ZNF385D: variants seen among roughly 807,000 people sequenced by gnomAD.
ZNF385D encodes the protein zinc finger protein 385D.
In ZNF385D, 15 loss-of-function variants were observed where a neutral mutation model predicts 35.8. The ratio of observed to expected loss-of-function variants is 0.42; its 90% confidence interval spans 0.28 to 0.64. The LOEUF (loss-of-function observed/expected upper bound fraction) is 0.64. Among genes scored for constraint, ZNF385D ranks in the 30% least tolerant of loss-of-function variants. ZNF385D has a pLI of 0.23. For synonymous variants in ZNF385D, 212 were observed against 186.8 expected (o/e 1.13, Z -1.10); for missense variants, 474 against 494.6 (o/e 0.96, Z 0.39).
chr3:21,999,650 T>C (rs1053110073), intron 3 of ZNF385D, among the ~76,000 whole-genome samples: 1 of 152,230 alleles, frequency 6.6e-6, no homozygotes, highest in East Asian at 1.9e-4. Flanking sequence ...TCTTACACAT[T>C]AAATGAGATT....
intron 3 of ZNF385D, among the ~76,000 whole-genome samples, chr3:22,119,936 C>G (rs553984281): frequency 6.6e-6 from 1 of 151,902 alleles, no homozygotes; most frequent in Non-Finnish European, 1.5e-5. Context: ...CCTGCCTCAG[C>G]CTCCCAAGTA....
At position 21,624,083 on chromosome 3, in the gene ZNF385D, A is replaced by T. The variant is rs1443158423; in HGVS notation, c.165+40803T>A. On this transcript the variant is annotated intron_variant, in intron 2 of 7. Coordinates refer to ENST00000281523, the MANE Select transcript of ZNF385D (RefSeq NM_024697.3). ...CAGAAAAAGTGAAGAAAATGTTAAAATTATCCAATTCAGCTTCTTATTCCC... is the reference window on the plus strand; with the variant it reads ...CAGAAAAAGTGAAGAAAATGTTAAATTTATCCAATTCAGCTTCTTATTCCC... Among the ~76,000 whole-genome samples the T allele has an allele frequency of 3.3e-5, 5 of 152,150 alleles. No individual in the cohort carries two copies. In the East Asian group the frequency reaches 9.6e-4, roughly 29 times the overall value.
chr3:21,787,587 T>C (rs1194200486), intron 3 of ZNF385D, among the ~76,000 whole-genome samples: 1 of 152,062 alleles, frequency 6.6e-6, no homozygotes. Flanking sequence ...CACTGACATT[T>C]TGGAGGCTGT....
At chr3:21,948,412 A>G (rs1476386144) in intron 3 of ZNF385D, among the ~76,000 whole-genome samples, 1 of 152,128 alleles carries the variant, frequency 6.6e-6, no homozygotes, top group Non-Finnish European at 1.5e-5. Flanking sequence ...GTTTTTCCAC[A>G]GATACTGATT....
intron 3 of ZNF385D, among the ~76,000 whole-genome samples, chr3:21,808,427 A>G (rs2125701023): frequency 6.6e-6 from 1 of 152,292 alleles, no homozygotes; most frequent in African/African-American, 2.4e-5. Flanking sequence ...GAAAAGGAGA[A>G]CTGCTGACCA....
At position 21,955,860 on chromosome 3, in the gene ZNF385D, T is replaced by A. The variant is rs551300494; in HGVS notation, c.325+212957A>T. ...TTCTTTCATAATTCAAAGGAGGGAATATTTTTGTGGTTTTTCACAAGTAGG... is the reference window on the plus strand; with the variant it reads ...TTCTTTCATAATTCAAAGGAGGGAAAATTTTTGTGGTTTTTCACAAGTAGG... On this transcript the variant is annotated intron_variant, in intron 3 of 5. Coordinates refer to the ZNF385D transcript ENST00000494108. Among the ~76,000 whole-genome samples the A allele has an allele frequency of 2.0e-5, 3 of 152,128 alleles. No individual in the cohort carries two copies. In the East Asian group the frequency reaches 5.8e-4, roughly 29 times the overall value.
intron 3 of ZNF385D, among the ~76,000 whole-genome samples, chr3:21,971,345 A>G (rs1703244284): frequency 6.6e-6 from 1 of 152,082 alleles, no homozygotes; most frequent in Non-Finnish European, 1.5e-5. Context: ...CAGAATTTTT[A>G]TTAGTTTTCA....
At chr3:21,880,584 G>A (rs1307499341) in intron 3 of ZNF385D, among the ~76,000 whole-genome samples, 1 of 151,914 alleles carries the variant, frequency 6.6e-6, no homozygotes, top group Non-Finnish European at 1.5e-5. Context: ...CCTATCCCCT[G>A]AGACAAAATA....
chr3:21,718,284 C>T (rs2068403948), intron 1 of ZNF385D, among the ~76,000 whole-genome samples: 2 of 152,214 alleles, frequency 1.3e-5, no homozygotes, highest in Non-Finnish European at 2.9e-5. Context: ...AGACTCCACT[C>T]TGCAATTTGA....
At chr3:22,074,379 C>T (rs545802853) in intron 3 of ZNF385D, among the ~76,000 whole-genome samples, 2 of 151,934 alleles carry the variant, frequency 1.3e-5, no homozygotes, top group Non-Finnish European at 2.9e-5. Flanking sequence ...CAGCCCTTGG[C>T]AGAGAAGCCA....
At chr3:21,696,873 T>C (rs377438402) in intron 1 of ZNF385D, among the ~76,000 whole-genome samples, 1 of 152,248 alleles carries the variant, frequency 6.6e-6, no homozygotes, top group African/African-American at 2.4e-5. Flanking sequence ...CTCTGGCTGG[T>C]AATAAGGAAC....
rs553702544 is a variant in ZNF385D, at chr3:21,441,199, C to G, written c.440-3996G>C. ...TCTTTGCTATATTCTTGCACTTATA[C>G]TTGGCATGAAATGGGCACTCAATAA... On this transcript the variant is annotated intron_variant, in intron 4 of 7. Coordinates refer to ENST00000281523, the MANE Select transcript of ZNF385D (RefSeq NM_024697.3). Among the ~76,000 whole-genome samples, 8 of 152,172 alleles carry G rather than the reference C, an allele frequency of 5.3e-5. No homozygotes were observed. In the South Asian group the frequency reaches 1.7e-3, roughly 32 times the overall value.
At chr3:21,685,307 G>C (rs1179912003) in intron 1 of ZNF385D, among the ~76,000 whole-genome samples, 1 of 152,116 alleles carries the variant, frequency 6.6e-6, no homozygotes, top group African/African-American at 2.4e-5. Context: ...ACTTGCCTTG[G>C]TGACAAGAAT....
chr3:22,171,095 CAT>C (rs1411383522), intron 2 of ZNF385D, among the ~76,000 whole-genome samples: 1 of 147,896 alleles, frequency 6.8e-6, no homozygotes, highest in African/African-American at 2.5e-5. Flanking sequence ...AAAAATTGCA[CAT>C]GATGACCATT....
chr3:22,357,605 A>G, intron 2 of ZNF385D, among the ~76,000 whole-genome samples: 1 of 151,110 alleles, frequency 6.6e-6, no homozygotes, highest in East Asian at 1.9e-4. Context: ...CTAGTAACTT[A>G]AAGAAAAAAA....
intron 3 of ZNF385D, among the ~76,000 whole-genome samples, chr3:21,971,450 T>C (rs911086672): frequency 2.1e-5 from 3 of 145,354 alleles, no homozygotes; most frequent in Non-Finnish European, 4.7e-5. Context: ...GCAAGTTTCA[T>C]GGTAATCTCA....
At chr3:21,675,345 A>C (rs2066692684) in intron 1 of ZNF385D, among the ~76,000 whole-genome samples, 1 of 152,024 alleles carries the variant, frequency 6.6e-6, no homozygotes, top group Non-Finnish European at 1.5e-5. Flanking sequence ...CCGTGGCATA[A>C]AAGCAATATT....
chr3:22,174,410 C>G (rs182244539), intron 2 of ZNF385D, among the ~76,000 whole-genome samples: 1 of 151,728 alleles, frequency 6.6e-6, no homozygotes, highest in South Asian at 2.1e-4. Context: ...CAGCCACTAA[C>G]AGACAGTTTA....
chr3:21,603,228 T>C (rs2064370481), intron 2 of ZNF385D, among the ~76,000 whole-genome samples: 1 of 152,258 alleles, frequency 6.6e-6, no homozygotes. Flanking sequence ...GGTTGATTAA[T>C]ATCTAGTGTT....
Sources: gnomAD v4.1 joint callset for allele counts (sites outside exome capture counted in the v4.1 genomes callset) on GRCh38, gnomAD v4.1.1 for gene constraint, MANE v1.5 for transcripts, NCBI Gene and HGNC (gene_info 2026-07-23, HGNC 2026-07-21) for gene names.